The following CSMD1 variants were observed in gnomAD, a reference collection of about 807,000 sequenced individuals.
CSMD1 encodes the protein CUB and Sushi multiple domains 1, also known as CUB and sushi domain-containing protein 1.
CSMD1 carries 213 observed loss-of-function variants against 417.5 expected under a neutral mutation model. The ratio of observed to expected loss-of-function variants is 0.51; its 90% confidence interval spans 0.46 to 0.57. The LOEUF (loss-of-function observed/expected upper bound fraction) is 0.57, where lower values mean the gene tolerates loss of function less well. Ranked by LOEUF, CSMD1 falls within the 20% of genes least tolerant of loss-of-function variation. The pLI, the probability that CSMD1 is intolerant of heterozygous loss-of-function variation, is 0.00. For synonymous variants in CSMD1, 2,862 were observed against 1,736.8 expected, an observed-to-expected ratio of 1.65 and a Z score of -16.11; for missense variants, 6,923 against 4,529.7, an observed-to-expected ratio of 1.53 and a Z score of -15.17.
chr8:4,973,040 A>T (rs949799494), intron 1 of CSMD1, among the ~76,000 whole-genome samples: 5 of 152,166 alleles, frequency 3.3e-5, no homozygotes, highest in Non-Finnish European at 7.3e-5. Flanking sequence ...AGATGTAGTA[A>T]AGAAGGTAAA....
intron 9 of CSMD1, among the ~76,000 whole-genome samples, chr8:3,577,647 G>A (rs1186717082): frequency 2.0e-5 from 3 of 152,142 alleles, no homozygotes; most frequent in African/African-American, 7.2e-5. Context: ...AGGTGTAACA[G>A]CCTTAAGTCA....
intron 5 of CSMD1, among the ~76,000 whole-genome samples, chr8:3,929,449 G>A (rs938850580): frequency 6.7e-6 from 1 of 150,304 alleles, no homozygotes; most frequent in South Asian, 2.2e-4. Flanking sequence ...AAAGCTGGAG[G>A]GGACAGAACA....
intron 12 of CSMD1, among the ~76,000 whole-genome samples, chr8:3,453,037 T>C (rs993146819): frequency 2.0e-5 from 3 of 152,240 alleles, no homozygotes; most frequent in African/African-American, 7.2e-5. Context: ...CTTCCTGGTT[T>C]AGTCTTGGGA....
chr8:3,973,614 C>A lies in CSMD1; in HGVS notation c.818+24289G>T, dbSNP rs182064927. On this transcript the variant is annotated intron_variant, in intron 5 of 69. Coordinates refer to ENST00000635120, the MANE Select transcript of CSMD1 (RefSeq NM_033225.6). ...AAAAGGGAAAGAGAAACAATTTCAT[C>A]ATTGTGATGCTTCCTGATTGTCATC... Among the ~76,000 whole-genome samples, 338 of 152,188 alleles carry A rather than the reference C, an allele frequency of 2.2e-3. 1 individual carries two copies. The highest frequency in any genetic ancestry group is 7.7e-3 in the African/African-American group (321 of 41,516).
intron 7 of CSMD1, among the ~76,000 whole-genome samples, chr8:3,633,907 G>A (rs1187100155): frequency 6.6e-6 from 1 of 152,176 alleles, no homozygotes; most frequent in African/African-American, 2.4e-5. Context: ...TATTTAAAAT[G>A]CATAGGGCAT....
chr8:4,379,357 G>C (rs1017845276), intron 3 of CSMD1, among the ~76,000 whole-genome samples: 1 of 152,226 alleles, frequency 6.6e-6, no homozygotes, highest in Non-Finnish European at 1.5e-5. Context: ...TCAGGAGACA[G>C]GAGGAATAAA....
At chr8:4,402,682 G>T (rs1016262660) in intron 3 of CSMD1, among the ~76,000 whole-genome samples, 2 of 152,012 alleles carry the variant, frequency 1.3e-5, no homozygotes, top group Admixed American at 1.3e-4. Context: ...TTACTTCATG[G>T]AGAAAATAGA....
chr8:3,060,201 A>T (rs997341618), intron 49 of CSMD1, among the ~76,000 whole-genome samples: 2 of 146,458 alleles, frequency 1.4e-5, no homozygotes, highest in African/African-American at 5.1e-5. Context: ...GCTGGAGTGC[A>T]GTGGTGTGAT....
chr8:4,155,711 T>A (rs376682045), intron 3 of CSMD1, among the ~76,000 whole-genome samples: 3 of 152,112 alleles, frequency 2.0e-5, no homozygotes, highest in Admixed American at 2.0e-4. Flanking sequence ...TTCTACTTCG[T>A]CAAATCACAA....
chr8:4,371,122 T>A (rs956287287), intron 3 of CSMD1, among the ~76,000 whole-genome samples: 2 of 152,194 alleles, frequency 1.3e-5, no homozygotes, highest in Non-Finnish European at 2.9e-5. Flanking sequence ...TTATTGCCCT[T>A]GAGAGTTTCA....
At chr8:3,895,289 G>A (rs1807284274) in intron 5 of CSMD1, among the ~76,000 whole-genome samples, 1 of 152,132 alleles carries the variant, frequency 6.6e-6, no homozygotes, top group African/African-American at 2.4e-5. Context: ...TTTAAATTAT[G>A]TAAAGTAAAC....
intron 5 of CSMD1, among the ~76,000 whole-genome samples, chr8:3,859,537 G>C (rs7006254): frequency 0.042 from 6,416 of 152,196 alleles, 447 homozygotes; most frequent in African/African-American, 0.15. Flanking sequence ...TTGGATTTCA[G>C]GGCGAGGCTA....
intron 10 of CSMD1, among the ~76,000 whole-genome samples, chr8:3,534,102 G>C (rs1400353623): frequency 3.3e-5 from 5 of 152,146 alleles, no homozygotes; most frequent in South Asian, 2.1e-4. Context: ...CTGAGGCTAT[G>C]AGAGCCCATA....
Position 4,142,991 on chromosome 8 carries a change from G to GAAA in CSMD1, c.416-110895_416-110893dup, listed in dbSNP as rs1554468016. 9.9e-5 allele frequency among the ~76,000 whole-genome samples: 12 copies of GAAA among 120,806 alleles called. No homozygotes were observed. The East Asian group carries it at 2.5e-3, about 25-fold the overall frequency. 79.3% of individuals were successfully genotyped at this position (120,806 alleles called of 152,430 possible). A position where few individuals can be genotyped will look rare whatever the true frequency, so the allele number is the denominator to read the frequency against. On this transcript the variant is annotated intron_variant, in intron 3 of 69. Transcript: ENST00000635120. ...CAGATGCTTAGTTTTCAAACTGATT[G>GAAA]AAAAAAAAAAAATGCTCTCCATTTA...
intron 1 of CSMD1, among the ~76,000 whole-genome samples, chr8:4,799,002 T>G (rs1272084226): frequency 2.0e-5 from 3 of 152,142 alleles, no homozygotes; most frequent in Admixed American, 6.5e-5. Context: ...CCTCAACTCC[T>G]CCATCCTCTG....
At chr8:3,981,217 AT>A (rs1291402604) in intron 5 of CSMD1, among the ~76,000 whole-genome samples, 2 of 152,208 alleles carry the variant, frequency 1.3e-5, no homozygotes, top group African/African-American at 4.8e-5. Flanking sequence ...AGAACATGCA[AT>A]TATTCTAAGT....
intron 1 of CSMD1, among the ~76,000 whole-genome samples, chr8:4,708,760 G>C (rs1012434543): frequency 6.6e-6 from 1 of 152,032 alleles, no homozygotes; most frequent in African/African-American, 2.4e-5. Context: ...CTAACCCCCA[G>C]CATGGGACTA....
intron 3 of CSMD1, among the ~76,000 whole-genome samples, chr8:4,324,930 C>A (rs1017552951): frequency 6.6e-6 from 1 of 152,128 alleles, no homozygotes; most frequent in Non-Finnish European, 1.5e-5. Context: ...GGGGCCTCTT[C>A]ACGGGAAGGA....
chr8:4,602,436 T>C (rs1225591774), intron 2 of CSMD1, among the ~76,000 whole-genome samples: 4 of 152,136 alleles, frequency 2.6e-5, no homozygotes, highest in Non-Finnish European at 4.4e-5. Context: ...TGTTGAAATA[T>C]TTATAAGGAG....
Sources: allele counts gnomAD v4.1 joint callset (sites outside exome capture counted in the v4.1 genomes callset), GRCh38; gene constraint gnomAD v4.1.1; transcripts MANE v1.5; gene names NCBI Gene and HGNC (gene_info 2026-07-23, HGNC 2026-07-21).